The following ROR2 variants were observed in gnomAD, a reference collection of about 807,000 sequenced individuals.
The protein encoded by ROR2 is tyrosine-protein kinase transmembrane receptor ROR2.
In ROR2, 33 loss-of-function variants were observed where a neutral mutation model predicts 74.9. The observed-to-expected ratio is 0.44, with a 90% CI of 0.33 to 0.59. The LOEUF (loss-of-function observed/expected upper bound fraction) is 0.59. Ranked by LOEUF, ROR2 falls within the 20% of genes least tolerant of loss-of-function variation. The probability of loss-of-function intolerance (pLI) is 0.02; values close to 1 mark genes in which losing one functional copy is unlikely to be tolerated. For synonymous variants in ROR2, 586 were observed against 558.7 expected, an observed-to-expected ratio of 1.05 and a Z score of -0.69; for missense variants, 1,216 against 1,313.8, an observed-to-expected ratio of 0.93 and a Z score of 1.15.
intron 1 of ROR2, among the ~76,000 whole-genome samples, chr9:91,829,021 T>G (rs1254180453): frequency 1.3e-5 from 2 of 152,216 alleles, no homozygotes; most frequent in Non-Finnish European, 2.9e-5. Context: ...GCTAAATGAT[T>G]AGAAACATCA....
intron 1 of ROR2, among the ~76,000 whole-genome samples, chr9:91,805,275 G>A (rs137993818): frequency 4.5e-4 from 68 of 152,332 alleles, no homozygotes; most frequent in African/African-American, 1.4e-3. Context: ...TCCAAGACAC[G>A]GAGTTAGGGG....
intron 1 of ROR2, among the ~76,000 whole-genome samples, chr9:91,899,659 G>C (rs560119982): frequency 1.3e-5 from 2 of 152,164 alleles, no homozygotes; most frequent in East Asian, 3.9e-4. Context: ...GGGCAGCTGG[G>C]ACCAAGTTCC....
At chr9:91,924,947 C>A (rs1831359487) in intron 1 of ROR2, among the ~76,000 whole-genome samples, 1 of 152,078 alleles carries the variant, frequency 6.6e-6, no homozygotes, top group Non-Finnish European at 1.5e-5. Context: ...CAGGCTCAAG[C>A]AATCCTCTCA....
chr9:91,723,859 A>C lies in ROR2; in HGVS notation c.2635T>G (p.Ser879Ala), dbSNP rs1216182857. 3 of 1,613,738 alleles carry C rather than the reference A, an allele frequency of 1.9e-6. No individual in the cohort carries two copies. The highest frequency in any genetic ancestry group is 1.3e-5 in the African/African-American group (1 of 74,864). ...TSTGYVTTAPSNTSMADRAAL... is the reference protein window; with the variant it reads ...TSTGYVTTAPANTSMADRAAL... ...GCCCTGTCTGCCATGGATGTGTTGG[A>C]GGGGGCCGTGGTGACGTAGCCTGTG... Residue 879 changes from serine (S) to alanine (A), a missense_variant, in exon 9 of 9, where the codon TCC becomes GCC. Coordinates refer to ENST00000375708, the MANE Select transcript of ROR2 (RefSeq NM_004560.4).
intron 1 of ROR2, among the ~76,000 whole-genome samples, chr9:91,792,595 A>AC (rs545637177): frequency 1.7e-3 from 257 of 152,350 alleles, no homozygotes; most frequent in South Asian, 6.2e-3. Flanking sequence ...GGCATGAGCC[A>AC]TGCGCCCAGC....
At chr9:91,904,052 G>T (rs112315755) in intron 1 of ROR2, among the ~76,000 whole-genome samples, 1,999 of 63,890 alleles carry the variant, frequency 0.031, 59 homozygotes, top group African/African-American at 0.11. Flanking sequence ...GTTTTTTTTT[G>T]GGGGGGGGGA....
At chr9:91,845,381 C>G (rs750938842) in intron 1 of ROR2, among the ~76,000 whole-genome samples, 1 of 151,798 alleles carries the variant, frequency 6.6e-6, no homozygotes, top group Admixed American at 6.6e-5. Context: ...GGATCCCAGG[C>G]AAGAGGATGT....
chr9:91,933,388 A>AT (rs1177208078), intron 1 of ROR2, among the ~76,000 whole-genome samples: 2 of 152,090 alleles, frequency 1.3e-5, no homozygotes, highest in African/African-American at 4.8e-5. Context: ...TAAAAAAAAA[A>AT]ATATGTTTAC....
chr9:91,909,850 T>TTG (rs1302591265), intron 1 of ROR2, among the ~76,000 whole-genome samples: 5 of 107,202 alleles, frequency 4.7e-5, no homozygotes, highest in East Asian at 2.4e-4. Context: ...TTGTTTTGTT[T>TTG]TTTTTTTTTT....
At chr9:91,730,668 G>A (rs1240035895) in intron 7 of ROR2, among the ~76,000 whole-genome samples, 1 of 152,056 alleles carries the variant, frequency 6.6e-6, no homozygotes, top group African/African-American at 2.4e-5. Flanking sequence ...TGACCAGGCT[G>A]GTCTTGAACT....
At chr9:91,838,068 G>A (rs573268438) in intron 1 of ROR2, among the ~76,000 whole-genome samples, 2 of 152,244 alleles carry the variant, frequency 1.3e-5, no homozygotes, top group African/African-American at 2.4e-5. Flanking sequence ...CCTTGTCTGG[G>A]AGTTTATTTA....
At chr9:91,780,059 C>T (rs889264839) in intron 1 of ROR2, among the ~76,000 whole-genome samples, 3 of 152,190 alleles carry the variant, frequency 2.0e-5, no homozygotes, top group Non-Finnish European at 4.4e-5. Context: ...TCACATCAGG[C>T]CTGCAATAGC....
At chr9:91,731,281 AAAAG>A in intron 6 of ROR2, 126 bp from the exon 7 acceptor site, 1 of 1,356,748 alleles carries the variant, frequency 7.4e-7, no homozygotes, top group Non-Finnish European at 1.0e-6. Flanking sequence ...AAGAGGCATT[AAAAG>A]TAATGGCTTA....
chr9:91,919,558 A>G (rs573009134), intron 1 of ROR2, among the ~76,000 whole-genome samples: 1 of 152,168 alleles, frequency 6.6e-6, no homozygotes, highest in East Asian at 1.9e-4. Flanking sequence ...ACATTCTTCA[A>G]AATTCTCAGA....
chr9:91,930,076 A>G (rs1275263848), intron 1 of ROR2, among the ~76,000 whole-genome samples: 1 of 152,178 alleles, frequency 6.6e-6, no homozygotes, highest in African/African-American at 2.4e-5. Context: ...AATTGAAATC[A>G]TAAGCAGGAG....
intron 2 of ROR2, among the ~76,000 whole-genome samples, chr9:91,760,104 G>A (rs1024097861): frequency 2.0e-5 from 3 of 152,188 alleles, no homozygotes; most frequent in African/African-American, 7.2e-5. Context: ...ACAGCAAGCT[G>A]GTTCCTTGTT....
At chr9:91,940,776 A>G (rs1214518136) in intron 1 of ROR2, among the ~76,000 whole-genome samples, 1 of 150,896 alleles carries the variant, frequency 6.6e-6, no homozygotes, top group Non-Finnish European at 1.5e-5. Context: ...TAATTTTTGT[A>G]TTTTTAGTAG....
intron 1 of ROR2, among the ~76,000 whole-genome samples, chr9:91,840,302 CTCT>C (rs1828743251): frequency 6.6e-6 from 1 of 152,210 alleles, no homozygotes; most frequent in Non-Finnish European, 1.5e-5. Context: ...TTCTAACCTT[CTCT>C]TCTTATGAAT....
At chr9:91,922,969 C>T (rs141632885) in intron 1 of ROR2, among the ~76,000 whole-genome samples, 51 of 152,100 alleles carry the variant, frequency 3.4e-4, no homozygotes, top group African/African-American at 1.2e-3. Context: ...CTCACTTCTG[C>T]TGGGCATGAC....
Sources: allele counts gnomAD v4.1 joint callset (sites outside exome capture counted in the v4.1 genomes callset), GRCh38; gene constraint gnomAD v4.1.1; transcripts MANE v1.5; gene names NCBI Gene and HGNC (gene_info 2026-07-23, HGNC 2026-07-21).